IFFO2: variants seen among roughly 807,000 people sequenced by gnomAD.
IFFO2 encodes the protein intermediate filament family orphan 2.
In IFFO2, 19 loss-of-function variants were observed where a neutral mutation model predicts 53.5. The ratio of observed to expected loss-of-function variants is 0.36; its 90% CI spans 0.25 to 0.52. The LOEUF (loss-of-function observed/expected upper bound fraction) is 0.52, where lower values mean the gene tolerates loss of function less well. Among genes scored for constraint, IFFO2 ranks in the 20% least tolerant of loss-of-function variants. The pLI, the probability that IFFO2 is intolerant of heterozygous loss-of-function variation, is 0.94. For synonymous variants in IFFO2, 303 were observed against 313.6 expected, an observed-to-expected ratio of 0.97 and a Z score of 0.36; for missense variants, 570 against 727.4, an observed-to-expected ratio of 0.78 and a Z score of 2.49.
intron 1 of IFFO2, among the ~76,000 whole-genome samples, chr1:18,941,062 T>C (rs1936514654): frequency 6.6e-6 from 1 of 152,186 alleles, no homozygotes; most frequent in African/African-American, 2.4e-5. Context: ...CTCTCTAGCT[T>C]TGACAAGGAA....
intron 1 of IFFO2, among the ~76,000 whole-genome samples, chr1:18,943,318 T>G (rs1482263312): frequency 6.6e-6 from 1 of 152,018 alleles, no homozygotes; most frequent in Non-Finnish European, 1.5e-5. Flanking sequence ...AGTTGAAGGA[T>G]GCAGCAAGCA....
chr1:18,910,554 C>G, intron 7 of IFFO2, 82 bp from the exon 8 acceptor site: 1 of 1,506,540 alleles, frequency 6.6e-7, no homozygotes, highest in Non-Finnish European at 9.0e-7. Flanking sequence ...TCCTGGATTC[C>G]TCAGGGATGG....
In IFFO2 at chr1:18,919,662, G is replaced by A. The variant is rs371872518; in HGVS notation, c.822+16C>T. 333 of 1,536,260 alleles carry A rather than the reference G, an allele frequency of 2.2e-4. No homozygotes were observed. The African/African-American group carries it at 3.4e-3, about 16-fold the overall frequency. The stretch of plus-strand genomic sequence containing the variant: ...GGGGGAGGTCATGACACCCAGGGGC[G>A]GCGGGCGGCACTTACGTCACTCATA... On this transcript the variant is annotated intron_variant, in intron 3 of 8. Coordinates refer to ENST00000455833, the MANE Select transcript of IFFO2 (RefSeq NM_001136265.2). This position sits in a 1 kb window ranked among gnomAD's most constrained non-coding sequence, Gnocchi z 4.9.
At chr1:18,955,533 CG>C in intron 1 of IFFO2, 134 bp downstream of exon 1, 1 of 1,309,754 alleles carries the variant, frequency 7.6e-7, no homozygotes. Context: ...GTACGTAAGA[CG>C]CTCTGCAAAC....
chr1:18,933,779 C>T (rs1269711132), intron 1 of IFFO2, among the ~76,000 whole-genome samples: 1 of 152,034 alleles, frequency 6.6e-6, no homozygotes, highest in Non-Finnish European at 1.5e-5. Context: ...AATAAATAAA[C>T]CATATAACAT....
rs930554591 is a variant in IFFO2 at position 18,908,471 on chromosome 1, G to T, written c.*90C>A. 1.1e-5 allele frequency: 10 copies of T among 930,280 alleles called. No homozygotes were observed. Among genetic ancestry groups the T allele is most frequent in the Admixed American group, 2.0e-5 (1 of 49,640 alleles). The allele number at this position is 930,280 out of a possible 1,614,324, so 57.6% of individuals were successfully genotyped here. A position where few individuals can be genotyped will look rare whatever the true frequency, so the allele number is the denominator to read the frequency against. ...GAGAAAGTCTGTGTGGTGTGGCTTCGAACCCCACTCCGAGGGGCCTTCCTG... is the reference window on the plus strand; with the variant it reads ...GAGAAAGTCTGTGTGGTGTGGCTTCTAACCCCACTCCGAGGGGCCTTCCTG... On this transcript the variant is annotated 3_prime_UTR_variant, in exon 9 of 9. Transcript: ENST00000455833.
At chr1:18,932,810 A>G (rs1376497645) in intron 1 of IFFO2, among the ~76,000 whole-genome samples, 1 of 152,168 alleles carries the variant, frequency 6.6e-6, no homozygotes, top group African/African-American at 2.4e-5. Context: ...TCTGCTACCA[A>G]TGCTCGGCAA....
Position 18,926,100 on chromosome 1 carries a change from G to T in IFFO2, c.666-4979C>A, listed in dbSNP as rs1250859953. Among the ~76,000 whole-genome samples the T allele has an allele frequency of 5.7e-4, 50 of 87,878 alleles. 1 individual carries two copies. Among genetic ancestry groups the T allele is most frequent in the African/African-American group, 1.3e-3 (24 of 18,914 alleles). The allele number at this position is 87,878 out of a possible 152,430, so 57.7% of individuals were successfully genotyped here. A position where few individuals can be genotyped will look rare whatever the true frequency, so the allele number is the denominator to read the frequency against. ...TGGATGGATGGATGGATGGATGGAT[G>T]GATTGGTTGGATGGATAGATGGATG... On this transcript the variant is annotated intron_variant, in intron 1 of 8. Coordinates refer to ENST00000455833, the MANE Select transcript of IFFO2 (RefSeq NM_001136265.2).
At chr1:18,934,162 G>A (rs978181899) in intron 1 of IFFO2, among the ~76,000 whole-genome samples, 2 of 138,942 alleles carry the variant, frequency 1.4e-5, no homozygotes, top group East Asian at 2.2e-4. Context: ...CCACCTCCTG[G>A]GCTCAAGCAA....
At chr1:18,925,747 G>A (rs72645635) in intron 1 of IFFO2, among the ~76,000 whole-genome samples, 26,630 of 149,830 alleles carry the variant, frequency 0.18, 3,149 homozygotes, top group Middle Eastern at 0.24. Context: ...GACATTTATC[G>A]AATGGATTGG....
Position 18,908,676 on chromosome 1 carries a change from A to G in IFFO2, c.1449-10T>C. On this transcript the variant is annotated splice_polypyrimidine_tract_variant and intron_variant, in intron 8 of 8. Transcript: ENST00000455833. ...GGGGGACGGTGAATTCCTGAGAAGC[A>G]CAAGAGAGTGGGGAAATTCAGAGAG... 1 of 1,545,818 alleles carries G rather than the reference A, an allele frequency of 6.5e-7. No homozygotes were observed. Among genetic ancestry groups the G allele is most frequent in the Non-Finnish European group, 8.8e-7 (1 of 1,141,734 alleles).
chr1:18,930,997 C>CAACA (rs1936368357), intron 1 of IFFO2, among the ~76,000 whole-genome samples: 1 of 152,124 alleles, frequency 6.6e-6, no homozygotes, highest in African/African-American at 2.4e-5. Context: ...ATAGTGAGAT[C>CAACA]CCATCCCTAC....
intron 5 of IFFO2, among the ~76,000 whole-genome samples, chr1:18,913,083 C>G (rs1936064629): frequency 6.6e-6 from 1 of 152,252 alleles, no homozygotes; most frequent in Non-Finnish European, 1.5e-5. Context: ...CCAGGGCTCT[C>G]CCCATTGCCT....
Position 18,916,885 on chromosome 1 carries a change from G to A in IFFO2, c.1103+18C>T. 1.9e-6 allele frequency: 3 copies of A among 1,551,470 alleles called. No homozygotes were observed. The highest frequency in any genetic ancestry group is 1.7e-4 in the Middle Eastern group (1 of 5,978). ...AATCCGGGGAAACGGAGAGTGTGCGGGCCACGGGGATACTCACAGCTGGTT... is the reference window on the plus strand; with the variant it reads ...AATCCGGGGAAACGGAGAGTGTGCGAGCCACGGGGATACTCACAGCTGGTT... On this transcript the variant is annotated intron_variant, in intron 5 of 8. Coordinates refer to ENST00000455833, the MANE Select transcript of IFFO2 (RefSeq NM_001136265.2). The surrounding 1 kb of genome is among the most constrained non-coding windows in gnomAD (Gnocchi z 4.3).
intron 1 of IFFO2, among the ~76,000 whole-genome samples, chr1:18,921,374 C>A (rs1358431654): frequency 6.6e-6 from 1 of 152,206 alleles, no homozygotes; most frequent in Non-Finnish European, 1.5e-5. Flanking sequence ...GAGCCCAGCA[C>A]TTCGTGAAGA....
chr1:18,948,582 C>T lies in IFFO2; in HGVS notation c.665+7086G>A, dbSNP rs367955063. 1.2e-3 allele frequency among the ~76,000 whole-genome samples: 185 copies of T among 152,352 alleles called. 3 individuals carry two copies. Among genetic ancestry groups the T allele is most frequent in the Middle Eastern group, 3.4e-3 (1 of 294 alleles). On this transcript the variant is annotated intron_variant, in intron 1 of 8. Coordinates refer to ENST00000455833, the MANE Select transcript of IFFO2 (RefSeq NM_001136265.2). Reference sequence around the variant, plus strand: ...CATCCTGCTCAGGAAGCCAAGCACCCGGTGCCCAGTGTGGGTGGGAGGACA... The same window carrying T: ...CATCCTGCTCAGGAAGCCAAGCACCTGGTGCCCAGTGTGGGTGGGAGGACA...
At chr1:18,920,263 T>C (rs757897563) in intron 2 of IFFO2, among the ~76,000 whole-genome samples, 1 of 152,212 alleles carries the variant, frequency 6.6e-6, no homozygotes, top group Non-Finnish European at 1.5e-5. Context: ...TTTCCACATA[T>C]TTGACGATGA....
At chr1:18,912,483 A>G (rs575861255) in intron 5 of IFFO2, among the ~76,000 whole-genome samples, 9 of 152,316 alleles carry the variant, frequency 5.9e-5, no homozygotes, top group African/African-American at 2.2e-4. Flanking sequence ...TATTATACCT[A>G]TTTTACAGAT....
rs575020538 is a variant in IFFO2, at chr1:18,908,775, G to A, written c.1449-109C>T. On this transcript the variant is annotated intron_variant, in intron 8 of 8. Coordinates refer to ENST00000455833, the MANE Select transcript of IFFO2 (RefSeq NM_001136265.2). ...CTTCTATAAGATCTACTCTCAGAGG[G>A]GCCTGGTCCTGAGCTCCTGCCTCAC... is the stretch of plus-strand genomic sequence containing the variant. The A allele has an allele frequency of 1.3e-5, 10 of 783,152 alleles. No homozygotes were observed. The East Asian group carries it at 2.8e-4, about 22-fold the overall frequency. 48.5% of individuals were successfully genotyped at this position (783,152 alleles called of 1,614,324 possible).
Sources: gnomAD v4.1 joint callset for allele counts (sites outside exome capture counted in the v4.1 genomes callset) on GRCh38, gnomAD v4.1.1 for gene constraint, Gnocchi (gnomAD v3.1) non-coding constraint, MANE v1.5 for transcripts, NCBI Gene and HGNC (gene_info 2026-07-23, HGNC 2026-07-21) for gene names.